The following CALCR variants were observed in gnomAD, a reference collection of about 807,000 sequenced individuals.
CALCR encodes calcitonin receptor.
In CALCR, 47 loss-of-function variants were observed where a neutral mutation model predicts 59.5. The observed-to-expected ratio is 0.79, with a 90% CI of 0.63 to 1.01. The LOEUF (loss-of-function observed/expected upper bound fraction) is 1.01, where lower values mean the gene tolerates loss of function less well. CALCR is among the 50% of genes least tolerant of loss of function. The probability of loss-of-function intolerance (pLI) is 0.00; values close to 1 mark genes in which losing one functional copy is unlikely to be tolerated. For missense variants in CALCR, 566 were observed against 597.1 expected, an observed-to-expected ratio of 0.95 and a Z score of 0.54; for synonymous variants, 213 against 211.3, an observed-to-expected ratio of 1.01 and a Z score of -0.07.
At chr7:93,507,290 A>T (rs925505586) in intron 2 of CALCR, among the ~76,000 whole-genome samples, 7 of 152,200 alleles carry the variant, frequency 4.6e-5, no homozygotes, top group Admixed American at 4.6e-4. Context: ...AAAGTGGTTA[A>T]AAAGAAGTGG....
At chr7:93,494,137 T>C (rs1177818600) in intron 2 of CALCR, among the ~76,000 whole-genome samples, 1 of 151,408 alleles carries the variant, frequency 6.6e-6, no homozygotes, top group Non-Finnish European at 1.5e-5. Context: ...TAATTCCAAA[T>C]GTGAGAGCTA....
In CALCR at chr7:93,425,804, ATCTC is replaced by A. The variant is rs756643751; in HGVS notation, c.*548_*551del. ...GGTCTTTTTCTTCACATATTTACTA[ATCTC>A]TCTATTAGAAAGCCGCTTTGTCTTG... On this transcript the variant is annotated 3_prime_UTR_variant, in exon 14 of 14. Transcript: ENST00000426151. 11 of 152,260 alleles carry A rather than the reference ATCTC, an allele frequency of 7.2e-5. No homozygotes were observed. The highest frequency in any genetic ancestry group is 7.4e-5 in the Non-Finnish European group (5 of 68,006). 9.4% of individuals were successfully genotyped at this position (152,260 alleles called of 1,614,324 possible).
rs1372856697 is a variant in CALCR at position 93,468,769 on chromosome 7, T to G, written c.467A>C (p.His156Pro). ...CACTAGGGTGAAAATTGACAAAGAATGACCCACAATAGCCAAATAGTACAG... is the reference window on the plus strand; with the variant it reads ...CACTAGGGTGAAAATTGACAAAGAAGGACCCACAATAGCCAAATAGTACAG... ...YVLYYLAIVG[H>P]SLSIFTLVIS... is the part of the protein sequence containing the mutation. The change falls in exon 7 of 14, where the codon CAT becomes CCT. Residue 156 changes from histidine (H) to proline (P), a missense_variant. By Grantham distance (77) the His-to-Pro change is moderately conservative (BLOSUM62 -2). Transcript: ENST00000426151. 3.1e-6 allele frequency: 5 copies of G among 1,610,716 alleles called. No individual in the cohort carries two copies. The highest frequency in any genetic ancestry group is 4.2e-6 in the Non-Finnish European group (5 of 1,178,124).
At chr7:93,556,301 G>A (rs371226947) in intron 2 of CALCR, among the ~76,000 whole-genome samples, 291 of 152,246 alleles carry the variant, frequency 1.9e-3, no homozygotes, top group African/African-American at 5.9e-3. Context: ...TAAGTGAGAA[G>A]TATTTTCCTG....
intron 3 of CALCR, 116 bp from the exon 4 acceptor site, chr7:93,479,623 T>G (rs1800750116): frequency 1.1e-6 from 1 of 898,264 alleles, no homozygotes; most frequent in Non-Finnish European, 1.7e-6. Flanking sequence ...CAATACTTAT[T>G]CATGGTCTCT....
chr7:93,496,065 A>C (rs1033184632), intron 2 of CALCR: 4 of 649,124 alleles, frequency 6.2e-6, no homozygotes, highest in Non-Finnish European at 1.0e-5. Context: ...CTTGAAAAGC[A>C]AAGTTAAATT....
chr7:93,520,497 A>C (rs536092752), intron 2 of CALCR, among the ~76,000 whole-genome samples: 1 of 152,200 alleles, frequency 6.6e-6, no homozygotes, highest in Admixed American at 6.6e-5. Context: ...TACAGTCCTC[A>C]TTGTTCCTTA....
chr7:93,569,286 C>A (rs915343094), intron 2 of CALCR, among the ~76,000 whole-genome samples: 4 of 152,154 alleles, frequency 2.6e-5, no homozygotes, highest in African/African-American at 9.7e-5. Context: ...CCCCCACTAT[C>A]TTCCTGATAA....
At chr7:93,507,455 A>G (rs2116029679) in intron 2 of CALCR, among the ~76,000 whole-genome samples, 1 of 152,200 alleles carries the variant, frequency 6.6e-6, no homozygotes, top group South Asian at 2.1e-4. Flanking sequence ...TGGTGCTGCC[A>G]TGAGGGGCCC....
intron 3 of CALCR, among the ~76,000 whole-genome samples, chr7:93,483,007 C>T (rs1045958650): frequency 2.6e-5 from 4 of 151,698 alleles, no homozygotes; most frequent in South Asian, 2.1e-4. Flanking sequence ...TGGGGCATTA[C>T]GTTTATACAT....
intron 2 of CALCR, among the ~76,000 whole-genome samples, chr7:93,540,393 T>C (rs1789101248): frequency 6.6e-6 from 1 of 152,138 alleles, no homozygotes; most frequent in African/African-American, 2.4e-5. Flanking sequence ...TTTAAATATA[T>C]GGTACCATGT....
intron 2 of CALCR, among the ~76,000 whole-genome samples, chr7:93,506,302 T>C (rs781384069): frequency 4.6e-5 from 7 of 152,136 alleles, no homozygotes; most frequent in Non-Finnish European, 8.8e-5. Flanking sequence ...ATTAGGTTTT[T>C]TGGGGAGGTT....
intron 2 of CALCR, among the ~76,000 whole-genome samples, chr7:93,513,861 C>T (rs928937718): frequency 6.6e-6 from 1 of 151,388 alleles, no homozygotes; most frequent in African/African-American, 2.4e-5. Flanking sequence ...ATTTCATTTA[C>T]AAATAAATAT....
In CALCR at chr7:93,432,858, G is replaced by A. The variant is rs1241811677; in HGVS notation, c.1191+1395C>T. Among the ~76,000 whole-genome samples the A allele has an allele frequency of 1.1e-4, 17 of 152,070 alleles. No homozygotes were observed. In the East Asian group the frequency reaches 3.1e-3, roughly 28 times the overall value. ...CATTCACAGAAATTGATATAAACAC[G>A]GGGTGACTTACGCCCTACTCATTTA... On this transcript the variant is annotated intron_variant, in intron 13 of 13. Coordinates refer to ENST00000426151, the MANE Select transcript of CALCR (RefSeq NM_001742.4).
chr7:93,447,632 T>C (rs1311280233), intron 8 of CALCR, among the ~76,000 whole-genome samples: 1 of 151,936 alleles, frequency 6.6e-6, no homozygotes, highest in Admixed American at 6.6e-5. Flanking sequence ...ATGGCCTATG[T>C]CCTACTTTTA....
In CALCR at chr7:93,425,370, G is replaced by GACTT. The variant is rs1799503123; in HGVS notation, c.*982_*985dup. 1 of 152,574 alleles carries GACTT rather than the reference G, an allele frequency of 6.6e-6. No individual in the cohort carries two copies. The highest frequency in any genetic ancestry group is 2.4e-5 in the African/African-American group (1 of 41,434). The allele number at this position is 152,574 out of a possible 1,614,324, so 9.5% of individuals were successfully genotyped here. ...GAAGCTGGGTGGAAAGCAGTTAATG[G>GACTT]ACTTATGTGGAGTCTTTTAATTACC... On this transcript the variant is annotated 3_prime_UTR_variant, in exon 14 of 14. Transcript: ENST00000426151.
At chr7:93,479,027 C>T (rs1800733777) in intron 4 of CALCR, among the ~76,000 whole-genome samples, 1 of 151,860 alleles carries the variant, frequency 6.6e-6, no homozygotes, top group Non-Finnish European at 1.5e-5. Flanking sequence ...ATTCTCTGCC[C>T]TCTATTTTCC....
chr7:93,523,538 C>G (rs1801809039), intron 2 of CALCR, among the ~76,000 whole-genome samples: 1 of 152,114 alleles, frequency 6.6e-6, no homozygotes, highest in African/African-American at 2.4e-5. Context: ...ATGATTTCTT[C>G]TGACTTTTAT....
chr7:93,468,050 T>C (rs967415992), intron 7 of CALCR, among the ~76,000 whole-genome samples: 4 of 151,622 alleles, frequency 2.6e-5, no homozygotes, highest in African/African-American at 7.3e-5. Context: ...CTAAAGTTGG[T>C]TGTGATGAAA....
Sources: gnomAD v4.1 joint callset for allele counts (sites outside exome capture counted in the v4.1 genomes callset) on GRCh38, gnomAD v4.1.1 for gene constraint, MANE v1.5 for transcripts, NCBI Gene and HGNC (gene_info 2026-07-23, HGNC 2026-07-21) for gene names.